Variants in INSYN2A observed in about 807,000 individuals in gnomAD.
The protein encoded by INSYN2A is family with sequence similarity 196 member A.
A neutral mutation model predicts 39.4 loss-of-function variants in INSYN2A; 17 were observed. The observed-to-expected ratio is 0.43, with a 90% CI of 0.30 to 0.65. INSYN2A has a LOEUF of 0.65. INSYN2A is among the 30% of genes least tolerant of loss of function. The probability of loss-of-function intolerance (pLI) is 0.14; values close to 1 mark genes in which losing one functional copy is unlikely to be tolerated. For missense variants in INSYN2A, 595 were observed against 631.2 expected, an observed-to-expected ratio of 0.94 and a Z score of 0.61; for synonymous variants, 255 against 265.7, an observed-to-expected ratio of 0.96 and a Z score of 0.39.
At chr10:127,161,923 C>G (rs77426221) in intron 4 of INSYN2A, among the ~76,000 whole-genome samples, 11 of 152,170 alleles carry the variant, frequency 7.2e-5, no homozygotes, top group Admixed American at 1.3e-4. Flanking sequence ...ACCCCTGTTC[C>G]AGAGAAACTT....
At chr10:127,152,949 C>A (rs1052715238) in intron 5 of INSYN2A, among the ~76,000 whole-genome samples, 2 of 152,158 alleles carry the variant, frequency 1.3e-5, no homozygotes, top group Admixed American at 1.3e-4. Flanking sequence ...TGGGAGAGAA[C>A]CCTGATGGGT....
intron 2 of INSYN2A, among the ~76,000 whole-genome samples, chr10:127,181,350 T>G (rs1045117905): frequency 6.6e-6 from 1 of 152,206 alleles, no homozygotes. Flanking sequence ...TGGGGTTCCA[T>G]TAGCTGCCAA....
intron 2 of INSYN2A, among the ~76,000 whole-genome samples, chr10:127,177,368 G>GTAAAA (rs2055259562): frequency 6.6e-6 from 1 of 152,222 alleles, no homozygotes; most frequent in South Asian, 2.1e-4. Context: ...TACCAGTGGG[G>GTAAAA]TAAAATGCCT....
rs1265083085 is a variant in INSYN2A, at chr10:127,138,029, G to T, written c.1257-9C>A. 3 of 1,597,486 alleles carry T rather than the reference G, an allele frequency of 1.9e-6. No individual in the cohort carries two copies. The highest frequency in any genetic ancestry group is 2.6e-6 in the Non-Finnish European group (3 of 1,174,328). On this transcript the variant is annotated splice_polypyrimidine_tract_variant and intron_variant, in intron 5 of 5. Coordinates refer to ENST00000522781, the MANE Select transcript of INSYN2A (RefSeq NM_001039762.3). ...TAAAATCCAGCTCCACACTAGAAAA[G>T]AGAGAGAGTGAAGACTTTAGCATTT... is the stretch of plus-strand genomic sequence containing the variant.
At chr10:127,157,134 A>C (rs2053162205) in intron 4 of INSYN2A, among the ~76,000 whole-genome samples, 1 of 152,234 alleles carries the variant, frequency 6.6e-6, no homozygotes, top group Non-Finnish European at 1.5e-5. Context: ...CTGAGTGTTA[A>C]GGAAGTGTTG....
At chr10:127,191,913 C>T (rs890886202) in intron 2 of INSYN2A, among the ~76,000 whole-genome samples, 9 of 152,212 alleles carry the variant, frequency 5.9e-5, no homozygotes, top group African/African-American at 1.4e-4. Flanking sequence ...GTAGTATTTT[C>T]AGCATTCCGT....
At chr10:127,167,798 T>C (rs1037646508) in intron 4 of INSYN2A, among the ~76,000 whole-genome samples, 1 of 151,928 alleles carries the variant, frequency 6.6e-6, no homozygotes, top group African/African-American at 2.4e-5. Flanking sequence ...TGTCTCCATT[T>C]AGTGATCCTC....
chr10:127,153,133 C>G (rs2052672146), intron 5 of INSYN2A, among the ~76,000 whole-genome samples: 2 of 152,160 alleles, frequency 1.3e-5, no homozygotes, highest in Non-Finnish European at 2.9e-5. Flanking sequence ...AAAGAACTTA[C>G]TCATAACATT....
chr10:127,176,498 T>A lies in INSYN2A; in HGVS notation c.-5-98A>T, dbSNP rs2055175497. ...TTAGCCACCACGACGACTGCCTGTT[T>A]CCTAATTATATTTAAGCAGGTGAGG... On this transcript the variant is annotated intron_variant, in intron 3 of 5. Transcript: ENST00000522781. The surrounding 1 kb of genome is among the most constrained non-coding windows in gnomAD (Gnocchi z 4.4). 6 of 993,686 alleles carry A rather than the reference T, an allele frequency of 6.0e-6. No homozygotes were observed. The highest frequency in any genetic ancestry group is 1.5e-6 in the Non-Finnish European group (1 of 677,640). 61.6% of individuals were successfully genotyped at this position (993,686 alleles called of 1,614,324 possible). A position where few individuals can be genotyped will look rare whatever the true frequency, so the allele number is the denominator to read the frequency against.
At chr10:127,163,567 G>C (rs1482495454) in intron 4 of INSYN2A, among the ~76,000 whole-genome samples, 1 of 152,122 alleles carries the variant, frequency 6.6e-6, no homozygotes, top group Non-Finnish European at 1.5e-5. Flanking sequence ...CTGTGTGAGT[G>C]CCCTTTTGGG....
chr10:127,183,940 T>C (rs2055976547), intron 2 of INSYN2A, among the ~76,000 whole-genome samples: 1 of 152,158 alleles, frequency 6.6e-6, no homozygotes, highest in South Asian at 2.1e-4. Context: ...AAGTAGCTAC[T>C]TTTTAAAAAC....
At chr10:127,154,705 C>A (rs1364475345) in intron 4 of INSYN2A, among the ~76,000 whole-genome samples, 1 of 152,166 alleles carries the variant, frequency 6.6e-6, no homozygotes, top group Non-Finnish European at 1.5e-5. Flanking sequence ...TTCTGTCAGA[C>A]CCCTGAGGCC....
chr10:127,140,948 G>A (rs557997877), intron 5 of INSYN2A, among the ~76,000 whole-genome samples: 2 of 152,320 alleles, frequency 1.3e-5, no homozygotes, highest in Admixed American at 6.5e-5. Context: ...GCCTGGTGGA[G>A]GGCCCATGGC....
intron 4 of INSYN2A, among the ~76,000 whole-genome samples, chr10:127,166,190 C>T (rs1245140067): frequency 6.6e-6 from 1 of 152,170 alleles, no homozygotes; most frequent in Admixed American, 6.5e-5. Flanking sequence ...CTCAGCCCCC[C>T]AAGTAGCTGG....
intron 5 of INSYN2A, among the ~76,000 whole-genome samples, chr10:127,148,245 G>A (rs1289398221): frequency 1.3e-5 from 2 of 152,096 alleles, no homozygotes; most frequent in Admixed American, 1.3e-4. Context: ...GTCACTTGAG[G>A]CCACTTTGTG....
chr10:127,170,500 G>C (rs2054469129), intron 4 of INSYN2A, among the ~76,000 whole-genome samples: 1 of 152,210 alleles, frequency 6.6e-6, no homozygotes, highest in Non-Finnish European at 1.5e-5. Flanking sequence ...AAATAGCAGA[G>C]TATCATTAGG....
At position 127,170,829 on chromosome 10, in the gene INSYN2A, G is replaced by A. The variant is rs571214105; in HGVS notation, c.1184+4383C>T. Among the ~76,000 whole-genome samples, 6 of 152,306 alleles carry A rather than the reference G, an allele frequency of 3.9e-5. No individual in the cohort carries two copies. The South Asian group carries it at 1.0e-3, about 26-fold the overall frequency. On this transcript the variant is annotated intron_variant, in intron 4 of 5. Transcript: ENST00000522781. ...CCCTGAACTTCCCCAGAAGACACAA[G>A]CATAATACTAAGAGCTCTGAAATAA...
At chr10:127,148,115 A>G (rs946006859) in intron 5 of INSYN2A, among the ~76,000 whole-genome samples, 37 of 151,454 alleles carry the variant, frequency 2.4e-4, no homozygotes, top group Admixed American at 1.6e-3. Flanking sequence ...CATGGAGTAC[A>G]CAGCAATGCG....
rs114720837 is a variant in INSYN2A, at chr10:127,184,773, C to T, written c.-268-7634G>A. 4.8e-3 allele frequency among the ~76,000 whole-genome samples: 738 copies of T among 152,230 alleles called. 6 individuals are homozygous for T. Among genetic ancestry groups the T allele is most frequent in the African/African-American group, 0.017 (703 of 41,542 alleles). ...CTTCCACTGGTTCATTTTCCAGGAC[C>T]GCGCCCTGGTCCTCCTTCCTCATGG... is the stretch of plus-strand genomic sequence containing the variant. On this transcript the variant is annotated intron_variant, in intron 2 of 5. Coordinates refer to ENST00000522781, the MANE Select transcript of INSYN2A (RefSeq NM_001039762.3).
Sources: allele counts gnomAD v4.1 joint callset (sites outside exome capture counted in the v4.1 genomes callset), GRCh38; gene constraint gnomAD v4.1.1; non-coding constraint Gnocchi (gnomAD v3.1); transcripts MANE v1.5; gene names NCBI Gene and HGNC (gene_info 2026-07-23, HGNC 2026-07-21).